The following DNAH2 variants were observed in gnomAD, a reference collection of about 807,000 sequenced individuals.
DNAH2 encodes the protein dynein axonemal heavy chain 2.
A neutral mutation model predicts 523.5 loss-of-function variants in DNAH2; 323 were observed. That is an observed-to-expected ratio of 0.62 (90% CI 0.56 to 0.68). The LOEUF (loss-of-function observed/expected upper bound fraction) is 0.68. DNAH2 is among the 30% of genes least tolerant of loss of function. The pLI, the probability that DNAH2 is intolerant of heterozygous loss-of-function variation, is 0.00. For missense variants in DNAH2, 4,907 were observed against 5,701.5 expected, an observed-to-expected ratio of 0.86 and a Z score of 4.49; for synonymous variants, 2,093 against 2,177.4, an observed-to-expected ratio of 0.96 and a Z score of 1.08.
Position 7,821,398 on chromosome 17 carries a change from A to G in DNAH2, c.11142+29A>G. On this transcript the variant is annotated intron_variant, in intron 73 of 85. Transcript: ENST00000572933. This position sits in a 1 kb window ranked among gnomAD's most constrained non-coding sequence, Gnocchi z 5.0. ...AGTTGGGCAGAGAGCACATCCCAGG[A>G]TGGGATGGTCAAGGTTGGGGATGAG... 6.2e-7 allele frequency: 1 copy of G among 1,604,212 alleles called. No individual in the cohort carries two copies. Among genetic ancestry groups the G allele is most frequent in the Non-Finnish European group, 8.5e-7 (1 of 1,174,144 alleles).
In DNAH2 at chr17:7,767,839, C is replaced by T. The variant is rs376100576; in HGVS notation, c.3676-61C>T. On this transcript the variant is annotated intron_variant, in intron 22 of 85. Coordinates refer to ENST00000572933, the MANE Select transcript of DNAH2 (RefSeq NM_020877.5). Reference sequence around the variant, plus strand: ...GAGCGAGAGCAGCGAAGGGCCTGGGCGTCCGTCAGGGAGGAAGAGGGCAGG... The same window carrying T: ...GAGCGAGAGCAGCGAAGGGCCTGGGTGTCCGTCAGGGAGGAAGAGGGCAGG... 2.0e-5 allele frequency: 32 copies of T among 1,605,156 alleles called. No individual in the cohort carries two copies. The African/African-American group carries it at 2.8e-4, about 14-fold the overall frequency.
chr17:7,815,384 T>C (rs145056530), intron 63 of DNAH2, among the ~76,000 whole-genome samples: 2 of 152,380 alleles, frequency 1.3e-5, no homozygotes, highest in East Asian at 3.9e-4. Flanking sequence ...AGGGAACATG[T>C]ATCGTGTAAA....
rs2076973911 is a variant in DNAH2, at chr17:7,793,511, C to CTTTCTT, written c.7569+307_7569+312dup. On this transcript the variant is annotated intron_variant, in intron 48 of 85. Transcript: ENST00000572933. ...TCTTTCTTTCTTTCTTTCTTTCTTTCTTTCTTCTCTTTCTCTTTCTTTCTT... is the reference window on the plus strand; with the variant it reads ...TCTTTCTTTCTTTCTTTCTTTCTTTCTTTCTTTTTCTTCTCTTTCTCTTTCTTTCTT... 1.4e-4 allele frequency among the ~76,000 whole-genome samples: 18 copies of CTTTCTT among 127,428 alleles called. No individual in the cohort carries two copies. The Admixed American group carries it at 1.5e-3, about 10-fold the overall frequency. 83.6% of individuals were successfully genotyped at this position (127,428 alleles called of 152,430 possible).
chr17:7,779,394 C>A lies in DNAH2; in HGVS notation c.5693C>A (p.Ser1898Tyr). ...GGCTTTGAAATAAATCTGGTGTGGT[C>A]CTGTGGGATCTTCATTACCATGAAT... ...FDGFEINLVW[S>Y]CGIFITMNPG... The change falls in exon 36 of 86, where the codon TCC becomes TAC. Residue 1898 changes from serine (S) to tyrosine (Y), a missense_variant. By Grantham distance (144) the Ser-to-Tyr change is moderately radical (BLOSUM62 -2). This residue lies in a region of DNAH2 where 2,806 missense variants were observed against 3,190.8 expected (regional missense o/e 0.88). Transcript: ENST00000572933. 6.2e-7 allele frequency: 1 copy of A among 1,613,830 alleles called. No homozygotes were observed. Among genetic ancestry groups the A allele is most frequent in the South Asian group, 1.1e-5 (1 of 90,974 alleles).
chr17:7,800,881 AT>A (rs1303765023), intron 56 of DNAH2, among the ~76,000 whole-genome samples: 34 of 144,944 alleles, frequency 2.3e-4, no homozygotes, highest in Admixed American at 4.8e-4. Context: ...AAAAAAAAAA[AT>A]TTTTTTTTGA....
At position 7,819,307 on chromosome 17, in the gene DNAH2, C is replaced by T. The variant is rs771189989; in HGVS notation, c.10914C>T (p.Tyr3638=). ...DPMYQFSLDA[Y]ISLFILSIDK... ...TGTACCAGTTCTCACTGGATGCCTACATCAGCCTCTTTATTCTCAGCATTG... is the reference window on the plus strand; with the variant it reads ...TGTACCAGTTCTCACTGGATGCCTATATCAGCCTCTTTATTCTCAGCATTG... Residue 3638 remains tyrosine (Y), a synonymous_variant, in exon 72 of 86, where the codon TAC becomes TAT. Transcript: ENST00000572933. 8 of 1,614,148 alleles carry T rather than the reference C, an allele frequency of 5.0e-6. No homozygotes were observed. Among genetic ancestry groups the T allele is most frequent in the African/African-American group, 1.3e-5 (1 of 74,958 alleles).
intron 56 of DNAH2, 56 bp from the exon 57 acceptor site, chr17:7,801,522 T>C: frequency 6.2e-7 from 1 of 1,607,132 alleles, no homozygotes; most frequent in Non-Finnish European, 8.5e-7. Flanking sequence ...GGGAAGCCAG[T>C]ACCTGGAGGC....
At chr17:7,792,929 G>T (rs1216412121) in intron 47 of DNAH2, 52 bp from the exon 48 acceptor site, 8 of 1,602,786 alleles carry the variant, frequency 5.0e-6, no homozygotes, top group African/African-American at 2.7e-5. Context: ...TCCTCTCTAA[G>T]CCCGTATTTC....
chr17:7,829,114 A>C (rs1486600366), intron 77 of DNAH2, among the ~76,000 whole-genome samples: 1 of 151,970 alleles, frequency 6.6e-6, no homozygotes, highest in Non-Finnish European at 1.5e-5. Flanking sequence ...TCCTGGGTTC[A>C]AGCGATTCTT....
intron 4 of DNAH2, among the ~76,000 whole-genome samples, chr17:7,727,687 C>T (rs1355588422): frequency 1.3e-4 from 17 of 133,694 alleles, no homozygotes; most frequent in Non-Finnish European, 1.8e-4. Context: ...ACCTGGGAGG[C>T]GGAGGTTTCA....
At chr17:7,733,889 T>C (rs1035503390) in intron 5 of DNAH2, among the ~76,000 whole-genome samples, 5 of 152,162 alleles carry the variant, frequency 3.3e-5, no homozygotes, top group African/African-American at 9.7e-5. Flanking sequence ...AAGGGAAATA[T>C]AGGTGCTGTG....
intron 28 of DNAH2, 108 bp downstream of exon 28, chr17:7,771,576 C>A: frequency 8.2e-7 from 1 of 1,218,114 alleles, no homozygotes. Context: ...GCTCTCCTAA[C>A]ATTTCCCATC....
At chr17:7,768,135 G>A (rs2076221664) in intron 23 of DNAH2, 29 bp from the exon 24 acceptor site, 1 of 1,614,074 alleles carries the variant, frequency 6.2e-7, no homozygotes, top group African/African-American at 1.3e-5. Context: ...AGGTCGTCGG[G>A]TCTTCTCATG....
intron 21 of DNAH2, 124 bp from the exon 22 acceptor site, chr17:7,766,194 C>A: frequency 1.9e-6 from 2 of 1,052,354 alleles, no homozygotes; most frequent in Admixed American, 2.4e-5. Context: ...CCCTCTTACT[C>A]TCCTTCCCTT....
Position 7,768,261 on chromosome 17 carries a change from G to T in DNAH2, c.3935G>T (p.Arg1312Ile). Reference sequence around the variant, plus strand: ...TCAGACCTGCGGAACCCTGCCCTTAGAGAGAGGTGAGGCTTCTCCTCTGCT... The same window carrying T: ...TCAGACCTGCGGAACCCTGCCCTTATAGAGAGGTGAGGCTTCTCCTCTGCT... ...LISDLRNPAL[R>I]ERHWDQVRDE... Residue 1312 changes from arginine to isoleucine, a missense_variant, in exon 24 of 86, where the codon AGA becomes ATA. Transcript: ENST00000572933. 6.2e-7 allele frequency: 1 copy of T among 1,614,198 alleles called. No homozygotes were observed. Among genetic ancestry groups the T allele is most frequent in the Non-Finnish European group, 8.5e-7 (1 of 1,180,038 alleles).
At chr17:7,720,529 G>A (rs1254242070) in intron 2 of DNAH2, among the ~76,000 whole-genome samples, 4 of 152,164 alleles carry the variant, frequency 2.6e-5, no homozygotes, top group African/African-American at 4.8e-5. Context: ...TGGGTGAGCC[G>A]GAGCCAGTAA....
At chr17:7,725,353 G>A (rs2074764801) in intron 3 of DNAH2, among the ~76,000 whole-genome samples, 1 of 150,046 alleles carries the variant, frequency 6.7e-6, no homozygotes, top group Non-Finnish European at 1.5e-5. Context: ...GCCTCCCAAA[G>A]TGCTGGGATT....
At chr17:7,814,424 G>A (rs1242034360) in intron 63 of DNAH2, among the ~76,000 whole-genome samples, 1 of 152,092 alleles carries the variant, frequency 6.6e-6, no homozygotes, top group Middle Eastern at 3.2e-3. Flanking sequence ...GTGAAATCTA[G>A]CTGATGGGTG....
At chr17:7,764,061 G>T (rs556100643) in intron 19 of DNAH2, 30 bp downstream of exon 19, 265 of 1,614,176 alleles carry the variant, frequency 1.6e-4, no homozygotes, top group Non-Finnish European at 2.1e-4. Context: ...ACAGGAAGGG[G>T]GCAGGGGCAG....
Sources: allele counts gnomAD v4.1 joint callset (sites outside exome capture counted in the v4.1 genomes callset), GRCh38; gene constraint gnomAD v4.1.1; regional missense constraint gnomAD v4.1.1; non-coding constraint Gnocchi (gnomAD v3.1); transcripts MANE v1.5; gene names NCBI Gene and HGNC (gene_info 2026-07-23, HGNC 2026-07-21).